The following MRPL4 variants were observed in gnomAD, a reference collection of about 807,000 sequenced individuals.
MRPL4 encodes mitochondrial ribosomal protein L4.
Under a neutral mutation model 34.1 loss-of-function variants are expected in MRPL4, and 34 were observed. The observed-to-expected ratio is 1.00, with a 90% confidence interval of 0.76 to 1.33. The LOEUF (loss-of-function observed/expected upper bound fraction) is 1.33. Ranked by LOEUF, MRPL4 falls within the 40% of genes most tolerant of loss-of-function variation. The pLI is 0.00. For synonymous variants in MRPL4, 196 were observed against 188.3 expected (o/e 1.04, Z -0.33); for missense variants, 402 against 434.6 (o/e 0.92, Z 0.67).
rs1296895075 is a variant in MRPL4, at chr19:10,252,597, T to G, written c.171T>G (p.Thr57=). The part of the protein sequence containing the change: ...VLRKVELPVP[T]HRRPVQAWVE... ...GCAAAGTCGAGCTCCCGGTACCCAC[T>G]CATCGACGCCCAGTGCAGGCCTGGG... The change falls in exon 3 of 9, where the codon ACT becomes ACG. Residue 57 remains threonine, a synonymous_variant. Transcript: ENST00000253099. 1.2e-6 allele frequency: 2 copies of G among 1,612,934 alleles called. No homozygotes were observed. The highest frequency in any genetic ancestry group is 1.7e-5 in the Admixed American group (1 of 60,004).
At position 10,259,808 on chromosome 19, in the gene MRPL4, T is replaced by C; in HGVS notation, c.931T>C (p.Cys311Arg). 6.2e-7 allele frequency: 1 copy of C among 1,605,348 alleles called. No homozygotes were observed. The highest frequency in any genetic ancestry group is 8.5e-7 in the Non-Finnish European group (1 of 1,174,030). ...TQGPAATPYH[C>R] is the part of the protein sequence containing the mutation. The stretch of plus-strand genomic sequence containing the variant: ...GGGCCCAGCGGCCACCCCGTACCAC[T>C]GTTGATGTGAAGCACCTCTTCTGAG... The change falls in exon 9 of 9, where the codon TGT becomes CGT. Residue 311 changes from cysteine to arginine, a missense_variant. Cys to Arg is a radical substitution (Grantham distance 180, BLOSUM62 -3). Transcript: ENST00000253099.
intron 3 of MRPL4, among the ~76,000 whole-genome samples, chr19:10,253,245 G>A (rs892115836): frequency 1.5e-4 from 23 of 152,150 alleles, no homozygotes; most frequent in Admixed American, 2.6e-4. Context: ...GGGAGGCCAA[G>A]GCGGGCGGAT....
At chr19:10,257,608 A>G (rs1599253484) in intron 5 of MRPL4, among the ~76,000 whole-genome samples, 1 of 152,086 alleles carries the variant, frequency 6.6e-6, no homozygotes, top group East Asian at 1.9e-4. Flanking sequence ...ACACCAACAC[A>G]TGGTGCTTGC....
chr19:10,258,779 C>T (rs1230807535), intron 8 of MRPL4, 94 bp downstream of exon 8: 2 of 1,610,798 alleles, frequency 1.2e-6, no homozygotes, highest in Non-Finnish European at 1.7e-6. Context: ...CGCTGAGTGG[C>T]CTCAGGCAGT....
chr19:10,258,740 A>C (rs368895115), intron 8 of MRPL4, 55 bp downstream of exon 8: 5 of 1,613,802 alleles, frequency 3.1e-6, no homozygotes, highest in Non-Finnish European at 4.2e-6. Context: ...CGCTGTTAGA[A>C]TCACAGCGGT....
intron 4 of MRPL4, 108 bp from the exon 5 acceptor site, chr19:10,256,600 C>G: frequency 2.4e-6 from 2 of 848,266 alleles, no homozygotes; most frequent in South Asian, 3.1e-5. Flanking sequence ...CCAGAGAGAG[C>G]CCGTCATCAT....
intron 1 of MRPL4, 27 bp downstream of exon 1, chr19:10,252,337 C>T (rs757263057): frequency 2.5e-6 from 4 of 1,612,666 alleles, no homozygotes; most frequent in Non-Finnish European, 2.5e-6. Context: ...GAGGCGTGGT[C>T]GAAGGATGAA....
Position 10,252,468 on chromosome 19 carries a change from G to T in MRPL4, c.124+5G>T. 1 of 1,614,020 alleles carries T rather than the reference G, an allele frequency of 6.2e-7. No homozygotes were observed. Among genetic ancestry groups the T allele is most frequent in the Non-Finnish European group, 8.5e-7 (1 of 1,179,966 alleles). Reference sequence around the variant, plus strand: ...CGGAGCAGGTGGCGAGCGAGGGTAAGGCAACCGGGGTGGCTCCAGGAGGGG... The same window carrying T: ...CGGAGCAGGTGGCGAGCGAGGGTAATGCAACCGGGGTGGCTCCAGGAGGGG... On this transcript the variant is annotated splice_donor_5th_base_variant and intron_variant, in intron 2 of 8. Transcript: ENST00000253099.
At position 10,258,644 on chromosome 19, in the gene MRPL4, C is replaced by G. The variant is rs372152292; in HGVS notation, c.698C>G (p.Ala233Gly). The G allele has an allele frequency of 1.2e-6, 2 of 1,614,020 alleles. No homozygotes were observed. The highest frequency in any genetic ancestry group is 2.7e-5 in the African/African-American group (2 of 74,920). The change falls in exon 8 of 9, where the codon GCC becomes GGC. Residue 233 changes from alanine to glycine, a missense_variant. Transcript: ENST00000253099. ...GAGATGCCACAGAGCATCGTGGAGG[C>G]CACCTCTAGGCTTAAGACCTTCAAC... ...HEEMPQSIVEATSRLKTFNLI... is the reference protein window; with the variant it reads ...HEEMPQSIVEGTSRLKTFNLI...
At chr19:10,253,281 C>T (rs1029173622) in intron 3 of MRPL4, among the ~76,000 whole-genome samples, 1 of 150,578 alleles carries the variant, frequency 6.6e-6, no homozygotes, top group Non-Finnish European at 1.5e-5. Context: ...TCGAGACCAT[C>T]CTGGCTAACA....
intron 3 of MRPL4, 45 bp from the exon 4 acceptor site, chr19:10,254,544 G>A (rs768348375): frequency 5.4e-5 from 87 of 1,608,872 alleles, no homozygotes; most frequent in East Asian, 4.2e-4. Context: ...GGGTGGGAGC[G>A]TTTGAAGCAG....
rs921615728 is a variant in MRPL4 at position 10,258,675 on chromosome 19, C to T, written c.729C>T (p.Ile243=). 6.2e-7 allele frequency: 1 copy of T among 1,614,012 alleles called. No homozygotes were observed. Among genetic ancestry groups the T allele is most frequent in the Non-Finnish European group, 8.5e-7 (1 of 1,180,036 alleles). ...CTAGGCTTAAGACCTTCAACTTGAT[C>T]CCGGCTGTTGGTGAGCAAAGAGCCC... The part of the protein sequence containing the change: ...ATSRLKTFNL[I]PAVGLNVHSM... The change falls in exon 8 of 9, where the codon ATC becomes ATT. Residue 243 remains isoleucine (I), a synonymous_variant. Coordinates refer to ENST00000253099, the MANE Select transcript of MRPL4 (RefSeq NM_015956.3).
intron 2 of MRPL4, 35 bp from the exon 3 acceptor site, chr19:10,252,516 T>A: frequency 6.2e-7 from 1 of 1,613,668 alleles, no homozygotes. Context: ...GGTCTGACCC[T>A]TGACCCTAAC....
intron 3 of MRPL4, among the ~76,000 whole-genome samples, chr19:10,253,450 TC>T (rs2039817647): frequency 8.2e-6 from 1 of 121,990 alleles, no homozygotes; most frequent in South Asian, 2.6e-4. Context: ...CTGCACTCCA[TC>T]CTGGGCAACA....
chr19:10,258,231 C>G lies in MRPL4; in HGVS notation c.455C>G (p.Ala152Gly). Residue 152 changes from alanine (A) to glycine (G), a missense_variant, in exon 6 of 9, where the codon GCC (alanine) becomes GGC (glycine). Coordinates refer to ENST00000253099, the MANE Select transcript of MRPL4 (RefSeq NM_015956.3). Reference sequence around the variant, plus strand: ...GCCTCTGTCCCCGCAGGAGGTGTTGCCCATGGCCCCCGGGGCCCCACAAGT... The same window carrying G: ...GCCTCTGTCCCCGCAGGAGGTGTTGGCCATGGCCCCCGGGGCCCCACAAGT... Reference protein sequence around the residue: ...RSPLWRGGGVAHGPRGPTSYY... With the variant: ...RSPLWRGGGVGHGPRGPTSYY... 3 of 1,613,586 alleles carry G rather than the reference C, an allele frequency of 1.9e-6. No individual in the cohort carries two copies. The highest frequency in any genetic ancestry group is 2.5e-6 in the Non-Finnish European group (3 of 1,179,654).
intron 4 of MRPL4, chr19:10,254,909 A>G (rs1394819688): frequency 7.6e-6 from 2 of 263,102 alleles, no homozygotes; most frequent in Non-Finnish European, 7.5e-6. Flanking sequence ...GGTTCAAGCG[A>G]TTCTCCTGCC....
At chr19:10,252,171 C>A, upstream of MRPL4, 1 of 1,438,066 alleles carries the variant, frequency 7.0e-7, no homozygotes, top group Non-Finnish European at 9.2e-7. Flanking sequence ...GGTAGGGCGG[C>A]GTCGCGTGCG....
chr19:10,256,934 T>C, intron 5 of MRPL4, 109 bp downstream of exon 5: 1 of 914,870 alleles, frequency 1.1e-6, no homozygotes, highest in Non-Finnish European at 1.6e-6. Flanking sequence ...ATGTCAGCCC[T>C]GTTCCCTCCA....
chr19:10,255,032 G>A (rs1018183385), intron 4 of MRPL4: 10 of 156,840 alleles, frequency 6.4e-5, no homozygotes, highest in African/African-American at 2.4e-4. Flanking sequence ...TCAAACTCCT[G>A]ACCTCAAGGA....
Sources: gnomAD v4.1 joint callset for allele counts (sites outside exome capture counted in the v4.1 genomes callset) on GRCh38, gnomAD v4.1.1 for gene constraint, MANE v1.5 for transcripts, NCBI Gene and HGNC (gene_info 2026-07-23, HGNC 2026-07-21) for gene names.